Variants in UHRF1 observed in about 807,000 individuals in gnomAD.
UHRF1 encodes E3 ubiquitin-protein ligase UHRF1.
Under a neutral mutation model 96.5 loss-of-function variants are expected in UHRF1, and 9 were observed. The ratio of observed to expected loss-of-function variants is 0.09; its 90% CI spans 0.06 to 0.16. The LOEUF is 0.16. Ranked by LOEUF, UHRF1 falls within the 10% of genes least tolerant of loss-of-function variation. The pLI is 1.00. For synonymous variants in UHRF1, 455 were observed against 469.9 expected (o/e 0.97, Z 0.41); for missense variants, 626 against 1,131.1 (o/e 0.55, Z 6.40).
chr19:4,920,725 G>A (rs2032674512), intron 2 of UHRF1, among the ~76,000 whole-genome samples: 1 of 152,138 alleles, frequency 6.6e-6, no homozygotes, highest in South Asian at 2.1e-4. Context: ...GCTCCTACTG[G>A]ATCATTTTGA....
chr19:4,934,025 C>CTTT (rs35115043), intron 5 of UHRF1, among the ~76,000 whole-genome samples: 1 of 130,284 alleles, frequency 7.7e-6, no homozygotes, highest in African/African-American at 2.9e-5. Flanking sequence ...GAAAATTTAC[C>CTTT]TTTTTTTTTT....
chr19:4,916,657 TTG>T (rs202074645), intron 2 of UHRF1, among the ~76,000 whole-genome samples: 1,743 of 152,280 alleles, frequency 0.011, 39 homozygotes, highest in African/African-American at 0.039. Context: ...CCGCCCCCTC[TTG>T]TGGGTTCTGT....
rs1369818496 is a variant in UHRF1, at chr19:4,930,577, G to A, written c.409-139G>A. The stretch of plus-strand genomic sequence containing the variant: ...GGTTTCTCATGGTCAGCGGTTCCCA[G>A]CCAGGGAGGAGAAACCTCGCTGTGG... On this transcript the variant is annotated intron_variant, in intron 3 of 16. Coordinates refer to ENST00000650932, the MANE Select transcript of UHRF1 (RefSeq NM_001048201.3). This position sits in a 1 kb window ranked among gnomAD's most constrained non-coding sequence, Gnocchi z 4.4. 4 of 1,106,908 alleles carry A rather than the reference G, an allele frequency of 3.6e-6. No individual in the cohort carries two copies. In the East Asian group the frequency reaches 1.0e-4, roughly 29 times the overall value. The allele number at this position is 1,106,908 out of a possible 1,614,324, so 68.6% of individuals were successfully genotyped here.
At chr19:4,940,746 C>T (rs569377089) in intron 5 of UHRF1, among the ~76,000 whole-genome samples, 11 of 151,926 alleles carry the variant, frequency 7.2e-5, no homozygotes, top group Admixed American at 6.6e-4. Context: ...GATCTTGGCT[C>T]ACTTCAGCGT....
intron 13 of UHRF1, among the ~76,000 whole-genome samples, chr19:4,953,165 G>A (rs893484828): frequency 2.0e-5 from 3 of 152,154 alleles, no homozygotes; most frequent in Non-Finnish European, 2.9e-5. Flanking sequence ...CCTCTTGTTC[G>A]TAGTGAAGCT....
chr19:4,957,432 C>T (rs17879347), intron 16 of UHRF1, among the ~76,000 whole-genome samples: 6,589 of 151,672 alleles, frequency 0.043, 495 homozygotes, highest in African/African-American at 0.15. Flanking sequence ...CCTCAGCCTC[C>T]CGAGTAGCTG....
At chr19:4,926,404 C>T (rs747682885) in intron 2 of UHRF1, among the ~76,000 whole-genome samples, 1 of 152,244 alleles carries the variant, frequency 6.6e-6, no homozygotes, top group South Asian at 2.1e-4. Flanking sequence ...GAGGCACTCA[C>T]TTCTAGCTGG....
At chr19:4,943,903 G>T (rs898686723) in intron 7 of UHRF1, among the ~76,000 whole-genome samples, 1 of 152,102 alleles carries the variant, frequency 6.6e-6, no homozygotes, top group East Asian at 1.9e-4. Context: ...TGCCCGCCTC[G>T]GCCTCCCAAA....
At chr19:4,955,920 T>G (rs992791736) in intron 15 of UHRF1, among the ~76,000 whole-genome samples, 2 of 152,102 alleles carry the variant, frequency 1.3e-5, no homozygotes, top group African/African-American at 2.4e-5. Flanking sequence ...TGTTTTTAAT[T>G]TATTTTGTTT....
upstream of UHRF1, among the ~76,000 whole-genome samples, chr19:4,905,355 G>A (rs1231354680): frequency 6.6e-6 from 1 of 150,834 alleles, no homozygotes; most frequent in African/African-American, 2.4e-5. Context: ...TCCTGACCTC[G>A]TGATCCACCT....
At chr19:4,936,102 G>A (rs1462128249) in intron 5 of UHRF1, among the ~76,000 whole-genome samples, 2 of 152,186 alleles carry the variant, frequency 1.3e-5, no homozygotes, top group Non-Finnish European at 2.9e-5. Context: ...CTCTGGGGAT[G>A]CAGGAGGCAC....
chr19:4,930,842 G>A lies in UHRF1; in HGVS notation c.535G>A (p.Glu179Lys). The A allele has an allele frequency of 6.2e-7, 1 of 1,613,968 alleles. No homozygotes were observed. The highest frequency in any genetic ancestry group is 8.5e-7 in the Non-Finnish European group (1 of 1,179,868). The part of the protein sequence containing the change: ...PCSSTSRPAL[E>K]EDVIYHVKYD... ...CAGCTCCACGTCCAGGCCGGCGCTGGAGGAGGACGTCATTTACCACGTGAA... is the reference window on the plus strand; with the variant it reads ...CAGCTCCACGTCCAGGCCGGCGCTGAAGGAGGACGTCATTTACCACGTGAA... The change falls in exon 4 of 17, where the codon GAG becomes AAG. Residue 179 changes from glutamate to lysine, a missense_variant. Transcript: ENST00000650932. This position sits in a 1 kb window ranked among gnomAD's most constrained non-coding sequence, Gnocchi z 4.4.
rs947226717 is a variant in UHRF1, at chr19:4,941,921, G to C, written c.1063G>C (p.Glu355Gln). The C allele has an allele frequency of 6.6e-7, 1 of 1,515,190 alleles. No individual in the cohort carries two copies. 93.9% of individuals were successfully genotyped at this position (1,515,190 alleles called of 1,614,324 possible). The change falls in exon 7 of 17, where the codon GAG becomes CAG. Residue 355 changes from glutamate to glutamine, a missense_variant. By Grantham distance (29) the Glu-to-Gln change is conservative. Transcript: ENST00000650932. The stretch of plus-strand genomic sequence containing the variant: ...CCCGCCCCTCAGCAGTGTTCCCAGC[G>C]AGGACGAGTGGTGAGTGCGGCCCTG... ...LDPPLSSVPS[E>Q]DEWYCPECRN...
chr19:4,961,845 A>G lies in UHRF1; in HGVS notation c.*1042A>G, dbSNP rs1431418658. 2 of 152,044 alleles carry G rather than the reference A, an allele frequency of 1.3e-5. No homozygotes were observed. Among genetic ancestry groups the G allele is most frequent in the Non-Finnish European group, 2.9e-5 (2 of 68,036 alleles). The allele number at this position is 152,044 out of a possible 1,614,324, so 9.4% of individuals were successfully genotyped here. A position where few individuals can be genotyped will look rare whatever the true frequency, so the allele number is the denominator to read the frequency against. Reference sequence around the variant, plus strand: ...TTTTTTTTGTAGTTACTGTATATGTACCAAGAAAGATATAACGTTAGGGTT... The same window carrying G: ...TTTTTTTTGTAGTTACTGTATATGTGCCAAGAAAGATATAACGTTAGGGTT... On this transcript the variant is annotated 3_prime_UTR_variant, in exon 17 of 17. Transcript: ENST00000650932.
intron 2 of UHRF1, among the ~76,000 whole-genome samples, chr19:4,913,859 T>G (rs1167392873): frequency 1.6e-5 from 2 of 122,422 alleles, no homozygotes; most frequent in Non-Finnish European, 3.2e-5. Flanking sequence ...TTGCCCAAGG[T>G]GGAGTGCAAT....
At chr19:4,931,567 A>G (rs2033053658) in intron 4 of UHRF1, among the ~76,000 whole-genome samples, 1 of 152,128 alleles carries the variant, frequency 6.6e-6, no homozygotes, top group East Asian at 1.9e-4. Flanking sequence ...TCCCAGGTTC[A>G]AGCGATTCTC....
intron 2 of UHRF1, among the ~76,000 whole-genome samples, chr19:4,921,562 A>G (rs538876301): frequency 3.7e-4 from 56 of 152,280 alleles, no homozygotes; most frequent in Non-Finnish European, 6.3e-4. Flanking sequence ...TGAGACCAGC[A>G]TGGGCAACAT....
chr19:4,934,299 G>C (rs896445103), intron 5 of UHRF1, among the ~76,000 whole-genome samples: 1 of 152,256 alleles, frequency 6.6e-6, no homozygotes, highest in East Asian at 1.9e-4. Context: ...CTCCCACAGT[G>C]CTGGGATTAC....
intron 2 of UHRF1, among the ~76,000 whole-genome samples, chr19:4,918,928 C>T (rs2032612716): frequency 6.6e-6 from 1 of 151,586 alleles, no homozygotes; most frequent in African/African-American, 2.4e-5. Context: ...TGCCATGTTA[C>T]CCAGGCTGGT....
Sources: allele counts gnomAD v4.1 joint callset (sites outside exome capture counted in the v4.1 genomes callset), GRCh38; gene constraint gnomAD v4.1.1; non-coding constraint Gnocchi (gnomAD v3.1); transcripts MANE v1.5; gene names NCBI Gene and HGNC (gene_info 2026-07-23, HGNC 2026-07-21).